PRKG1: variants seen among roughly 807,000 people sequenced by gnomAD.
PRKG1 encodes the protein protein kinase cGMP-dependent 1.
Under a neutral mutation model 88.1 loss-of-function variants are expected in PRKG1, and 35 were observed. That is an observed-to-expected ratio of 0.40 (90% CI 0.30 to 0.53). PRKG1 has a LOEUF of 0.53. PRKG1 is among the 20% of genes least tolerant of loss of function. PRKG1 has a pLI of 0.59. For synonymous variants in PRKG1, 303 were observed against 292.5 expected (o/e 1.04, Z -0.37); for missense variants, 540 against 839.8 (o/e 0.64, Z 4.41).
At chr10:52,013,590 G>A (rs988796408) in intron 5 of PRKG1, among the ~76,000 whole-genome samples, 2 of 152,200 alleles carry the variant, frequency 1.3e-5, no homozygotes, top group South Asian at 2.1e-4. Flanking sequence ...AGCAAAGGTA[G>A]TAGCATGAGC....
intron 2 of PRKG1, among the ~76,000 whole-genome samples, chr10:51,359,345 T>C (rs1189318): frequency 0.037 from 5,553 of 151,916 alleles, 345 homozygotes; most frequent in African/African-American, 0.13. Flanking sequence ...TAAAAAGCAC[T>C]GCTTCCTCTG....
chr10:52,290,132 T>C, intron 16 of PRKG1, 92 bp from the exon 17 acceptor site: 1 of 967,564 alleles, frequency 1.0e-6, no homozygotes, highest in Non-Finnish European at 1.5e-6. Context: ...TTTGCCTAAC[T>C]GCTTCCCATT....
chr10:51,025,162 G>C (rs751927548), intron 1 of PRKG1, among the ~76,000 whole-genome samples: 1 of 152,070 alleles, frequency 6.6e-6, no homozygotes, highest in Non-Finnish European at 1.5e-5. Flanking sequence ...TACCTTTCCA[G>C]TCTTGATCAA....
chr10:52,107,205 G>A (rs1003495606), intron 7 of PRKG1, among the ~76,000 whole-genome samples: 6 of 152,166 alleles, frequency 3.9e-5, no homozygotes, highest in African/African-American at 1.2e-4. Flanking sequence ...AGAACAAGAT[G>A]TTACCCAGAA....
intron 9 of PRKG1, among the ~76,000 whole-genome samples, chr10:52,215,542 A>T (rs1184049213): frequency 6.6e-6 from 1 of 152,198 alleles, no homozygotes; most frequent in Non-Finnish European, 1.5e-5. Flanking sequence ...GTACTTTTCA[A>T]TATCACCTCA....
intron 7 of PRKG1, among the ~76,000 whole-genome samples, chr10:52,079,743 G>T (rs1050879763): frequency 6.6e-6 from 1 of 152,194 alleles, no homozygotes; most frequent in African/African-American, 2.4e-5. Flanking sequence ...TTGCCATATG[G>T]TTATGATTCT....
chr10:51,752,854 G>A (rs1008942837), intron 3 of PRKG1, among the ~76,000 whole-genome samples: 1 of 152,014 alleles, frequency 6.6e-6, no homozygotes, highest in African/African-American at 2.4e-5. Flanking sequence ...ATTCATATAT[G>A]TATATATATA....
intron 5 of PRKG1, among the ~76,000 whole-genome samples, chr10:51,945,350 T>C (rs1276759648): frequency 6.6e-6 from 1 of 151,604 alleles, no homozygotes; most frequent in Non-Finnish European, 1.5e-5. Context: ...TATGTGTGTC[T>C]CTGCACGTGA....
intron 2 of PRKG1, among the ~76,000 whole-genome samples, chr10:51,165,088 C>T (rs1456274177): frequency 2.6e-5 from 4 of 152,246 alleles, no homozygotes; most frequent in Middle Eastern, 3.4e-3. Flanking sequence ...CTCCAAGACA[C>T]ATAATTGTCA....
intron 2 of PRKG1, among the ~76,000 whole-genome samples, chr10:51,313,724 T>C (rs1048536228): frequency 1.3e-5 from 2 of 152,184 alleles, no homozygotes; most frequent in Non-Finnish European, 2.9e-5. Context: ...AGATGCTCAA[T>C]TCTCTAAATA....
At chr10:52,015,722 G>A (rs1263469966) in intron 5 of PRKG1, among the ~76,000 whole-genome samples, 1 of 152,116 alleles carries the variant, frequency 6.6e-6, no homozygotes. Flanking sequence ...CTTTGTAAAT[G>A]CATATGACTA....
At chr10:51,001,484 GA>G (rs1021623636) in intron 1 of PRKG1, among the ~76,000 whole-genome samples, 8 of 152,050 alleles carry the variant, frequency 5.3e-5, no homozygotes, top group East Asian at 1.9e-4. Context: ...TTTCCTTGTA[GA>G]AAAAAAATTA....
chr10:51,562,634 T>C (rs542178656), intron 3 of PRKG1, among the ~76,000 whole-genome samples: 68 of 152,294 alleles, frequency 4.5e-4, no homozygotes, highest in African/African-American at 1.5e-3. Context: ...TTGATTACTA[T>C]AATTTCTGTG....
intron 9 of PRKG1, among the ~76,000 whole-genome samples, chr10:52,206,109 TC>T (rs980485562): frequency 2.2e-5 from 1 of 46,052 alleles, no homozygotes; most frequent in African/African-American, 5.1e-5. Context: ...TCTTTTTAAT[TC>T]TTTTTTTCTT....
At chr10:51,843,799 A>G (rs940246386) in intron 4 of PRKG1, among the ~76,000 whole-genome samples, 16 of 152,108 alleles carry the variant, frequency 1.1e-4, no homozygotes, top group African/African-American at 4.8e-5. Flanking sequence ...ATTATAGTGT[A>G]TTTGCTAAAT....
At chr10:51,692,711 A>G (rs1841176338) in intron 3 of PRKG1, among the ~76,000 whole-genome samples, 1 of 152,096 alleles carries the variant, frequency 6.6e-6, no homozygotes, top group Non-Finnish European at 1.5e-5. Context: ...CCTGAACTCA[A>G]GTGATCCTTC....
At chr10:51,531,821 T>G (rs147820003) in intron 3 of PRKG1, among the ~76,000 whole-genome samples, 2,434 of 151,886 alleles carry the variant, frequency 0.016, 26 homozygotes, top group Middle Eastern at 0.024. Flanking sequence ...ATTTTTGTAT[T>G]TTTAGTAGAC....
At chr10:51,538,797 A>G (rs1213359732) in intron 3 of PRKG1, among the ~76,000 whole-genome samples, 1 of 152,136 alleles carries the variant, frequency 6.6e-6, no homozygotes, top group Non-Finnish European at 1.5e-5. Flanking sequence ...TAATTTCCAA[A>G]TTAAAAACAC....
rs73335656 is a variant in PRKG1 at position 51,343,667 on chromosome 10, G to A, written c.479-124056G>A. On this transcript the variant is annotated intron_variant, in intron 2 of 17. Transcript: ENST00000373980. ...AAATTATTTTTCACTTAATTTTCAC[G>A]TATAATTACTAAAAAAATTCTATGA... Among the ~76,000 whole-genome samples the A allele has an allele frequency of 4.6e-3, 700 of 151,780 alleles. 6 individuals are homozygous for A. Among genetic ancestry groups the A allele is most frequent in the African/African-American group, 0.015 (618 of 41,380 alleles).
Sources: gnomAD v4.1 joint callset for allele counts (sites outside exome capture counted in the v4.1 genomes callset) on GRCh38, gnomAD v4.1.1 for gene constraint, MANE v1.5 for transcripts, NCBI Gene and HGNC (gene_info 2026-07-23, HGNC 2026-07-21) for gene names.